The following RPS6KA2 variants were observed in gnomAD, a reference collection of about 807,000 sequenced individuals.
RPS6KA2 encodes the protein ribosomal protein S6 kinase alpha-2.
Under a neutral mutation model 91.8 loss-of-function variants are expected in RPS6KA2, and 42 were observed. The observed-to-expected ratio is 0.46, with a 90% CI of 0.36 to 0.59. The LOEUF is 0.59. Ranked by LOEUF, RPS6KA2 falls within the 20% of genes least tolerant of loss-of-function variation. The pLI, the probability that RPS6KA2 is intolerant of heterozygous loss-of-function variation, is 0.00. For missense variants in RPS6KA2, 798 were observed against 978.5 expected, an observed-to-expected ratio of 0.82 and a Z score of 2.46; for synonymous variants, 414 against 393.6, an observed-to-expected ratio of 1.05 and a Z score of -0.61.
At chr6:166,799,592 G>GT (rs60875272) in intron 2 of RPS6KA2, among the ~76,000 whole-genome samples, 2 of 143,988 alleles carry the variant, frequency 1.4e-5, no homozygotes, top group African/African-American at 5.2e-5. Flanking sequence ...GCATTTTCAT[G>GT]TTTTTTTTTT....
chr6:166,621,370 A>C (rs1009825484), intron 1 of RPS6KA2, among the ~76,000 whole-genome samples: 1 of 152,234 alleles, frequency 6.6e-6, no homozygotes, highest in Non-Finnish European at 1.5e-5. Context: ...AGCAGTTAGC[A>C]GGCAAGGCTT....
In RPS6KA2 at chr6:166,419,574, AC is replaced by A. The variant is rs1478598145; in HGVS notation, c.1820+307del. ...ATGTCTGGAAGGCACATCTGTTGCT[AC>A]CTTTTAAAACAGTGGCAGGTGCAGC... On this transcript the variant is annotated intron_variant, in intron 18 of 20. Transcript: ENST00000265678. This position sits in a 1 kb window ranked among gnomAD's most constrained non-coding sequence, Gnocchi z 5.6. Among the ~76,000 whole-genome samples, 1 of 152,226 alleles carries A rather than the reference AC, an allele frequency of 6.6e-6. No individual in the cohort carries two copies. The highest frequency in any genetic ancestry group is 2.4e-5 in the African/African-American group (1 of 41,454).
At position 166,552,541 on chromosome 6, in the gene RPS6KA2, T is replaced by A. The variant is rs1053357420; in HGVS notation, c.100-13757A>T. 1.2e-4 allele frequency among the ~76,000 whole-genome samples: 18 copies of A among 151,952 alleles called. No individual in the cohort carries two copies. In the East Asian group the frequency reaches 1.7e-3, roughly 15 times the overall value. On this transcript the variant is annotated intron_variant, in intron 1 of 20. Coordinates refer to ENST00000265678, the MANE Select transcript of RPS6KA2 (RefSeq NM_021135.6). ...AATTGTATTATAAAAGTTTTTTTTT[T>A]AAATCTACCCTAGCTTGAGGTTTGG...
At chr6:166,824,619 G>T (rs921563973) in intron 2 of RPS6KA2, among the ~76,000 whole-genome samples, 6 of 147,922 alleles carry the variant, frequency 4.1e-5, no homozygotes, top group Non-Finnish European at 9.0e-5. Flanking sequence ...GTGTGTGTCT[G>T]TGTGTCTATG....
intron 2 of RPS6KA2, among the ~76,000 whole-genome samples, chr6:166,776,769 G>A (rs539742385): frequency 3.4e-4 from 52 of 152,318 alleles, no homozygotes; most frequent in African/African-American, 1.2e-3. Context: ...TACATAACAT[G>A]CCATTGTTTG....
intron 1 of RPS6KA2, among the ~76,000 whole-genome samples, chr6:166,625,323 ACCCC>A (rs1338733933): frequency 3.3e-5 from 1 of 30,348 alleles, no homozygotes; most frequent in African/African-American, 1.5e-4. Context: ...TATTCCCACC[ACCCC>A]CCCACCCCCC....
At chr6:166,816,210 G>A (rs1309166996) in intron 2 of RPS6KA2, among the ~76,000 whole-genome samples, 1 of 151,882 alleles carries the variant, frequency 6.6e-6, no homozygotes, top group Non-Finnish European at 1.5e-5. Context: ...TCTTCAAAGG[G>A]CCCATGCTTT....
intron 3 of RPS6KA2, 152 bp from the exon 4 acceptor site, chr6:166,510,509 G>C: frequency 2.9e-6 from 1 of 342,952 alleles, no homozygotes; most frequent in South Asian, 4.9e-5. Flanking sequence ...AATAATCCTA[G>C]ATTTAACAAC....
intron 1 of RPS6KA2, among the ~76,000 whole-genome samples, chr6:166,555,121 T>C (rs1784140897): frequency 6.6e-6 from 1 of 152,160 alleles, no homozygotes; most frequent in South Asian, 2.1e-4. Context: ...CCCAGGTACG[T>C]GGTAGGTTTT....
At chr6:166,605,530 C>CT (rs2128529112) in intron 1 of RPS6KA2, among the ~76,000 whole-genome samples, 1 of 152,286 alleles carries the variant, frequency 6.6e-6, no homozygotes, top group East Asian at 1.9e-4. Context: ...TATCATGCTT[C>CT]CTATCTAGGC....
At chr6:166,446,208 TTGAACTTGTTGTCACC>T (rs1217715647) in intron 14 of RPS6KA2, among the ~76,000 whole-genome samples, 10 of 152,336 alleles carry the variant, frequency 6.6e-5, no homozygotes, top group African/African-American at 2.2e-4. Flanking sequence ...CTGCAGATAA[TTGAACTTGTTGTCACC>T]GCTCCCTTGA....
At chr6:166,658,575 T>C (rs142679363) in intron 2 of RPS6KA2, among the ~76,000 whole-genome samples, 1 of 152,096 alleles carries the variant, frequency 6.6e-6, no homozygotes, top group African/African-American at 2.4e-5. Flanking sequence ...GCCAGACTAC[T>C]TGATAAAAGT....
At chr6:166,415,119 A>G (rs1228408851) in intron 19 of RPS6KA2, among the ~76,000 whole-genome samples, 4 of 152,260 alleles carry the variant, frequency 2.6e-5, no homozygotes, top group African/African-American at 9.6e-5. Flanking sequence ...TGAATTACTC[A>G]TTAGAATTTT....
At chr6:166,841,777 C>T (rs1166255888) in intron 2 of RPS6KA2, among the ~76,000 whole-genome samples, 5 of 152,184 alleles carry the variant, frequency 3.3e-5, no homozygotes, top group East Asian at 1.9e-4. Flanking sequence ...GGTAACACCC[C>T]GTGACCACTC....
rs375364710 is a variant in RPS6KA2 at position 166,432,422 on chromosome 6, C to T, written c.1401G>A (p.Pro467=). 59 of 1,612,824 alleles carry T rather than the reference C, an allele frequency of 3.7e-5. No individual in the cohort carries two copies. Among genetic ancestry groups the T allele is most frequent in the South Asian group, 8.8e-5 (8 of 90,960 alleles). ...TCACATCCTTGAGGGTGATGATGTT[C>T]GGGTGCTGGCCGTACCGCAGGAGGA... ...IEILLRYGQH[P]NIITLKDVYD... The change falls in exon 15 of 21, where the codon CCG becomes CCA. Residue 467 remains proline, a synonymous_variant. Coordinates refer to ENST00000265678, the MANE Select transcript of RPS6KA2 (RefSeq NM_021135.6).
intron 2 of RPS6KA2, among the ~76,000 whole-genome samples, chr6:166,809,293 G>T (rs1359692730): frequency 6.6e-6 from 1 of 152,160 alleles, no homozygotes; most frequent in Non-Finnish European, 1.5e-5. Context: ...TGTGACTTGA[G>T]AATAGAGAAA....
chr6:166,468,474 A>T (rs1367883085), intron 11 of RPS6KA2, among the ~76,000 whole-genome samples: 2 of 152,216 alleles, frequency 1.3e-5, no homozygotes, highest in Non-Finnish European at 2.9e-5. Flanking sequence ...TTTATCCAGC[A>T]CTGGTGTTAC....
chr6:166,544,291 G>A (rs1343819335), intron 1 of RPS6KA2, among the ~76,000 whole-genome samples: 2 of 152,192 alleles, frequency 1.3e-5, no homozygotes, highest in African/African-American at 4.8e-5. Flanking sequence ...TCACTAAATG[G>A]CTTTTTAGCC....
chr6:166,820,154 T>C (rs1244641542), intron 2 of RPS6KA2, among the ~76,000 whole-genome samples: 1 of 152,168 alleles, frequency 6.6e-6, no homozygotes, highest in Non-Finnish European at 1.5e-5. Flanking sequence ...CATGTACATA[T>C]AGTTGGACAA....
Sources: allele counts gnomAD v4.1 joint callset (sites outside exome capture counted in the v4.1 genomes callset), GRCh38; gene constraint gnomAD v4.1.1; non-coding constraint Gnocchi (gnomAD v3.1); transcripts MANE v1.5; gene names NCBI Gene and HGNC (gene_info 2026-07-23, HGNC 2026-07-21).